NDUFS4: variants seen among roughly 807,000 people sequenced by gnomAD.
NDUFS4 encodes the protein NADH dehydrogenase [ubiquinone] iron-sulfur protein 4, mitochondrial.
In NDUFS4, 28 loss-of-function variants were observed where a neutral mutation model predicts 24.3. The observed-to-expected ratio is 1.15, with a 90% CI of 0.85 to 1.58. The LOEUF is 1.58. NDUFS4 is among the 40% of genes most tolerant of loss of function. The pLI is 0.00. For missense variants in NDUFS4, 223 were observed against 207.9 expected (o/e 1.07, Z -0.45); for synonymous variants, 93 against 69.7 (o/e 1.34, Z -1.67).
chr5:53,631,873 C>T (rs1312421085), intron 2 of NDUFS4, among the ~76,000 whole-genome samples: 2 of 152,134 alleles, frequency 1.3e-5, no homozygotes, highest in Non-Finnish European at 2.9e-5. Context: ...CTGCCGATTG[C>T]GAAGACCATG....
chr5:53,585,202 C>T (rs2112433478), intron 1 of NDUFS4, among the ~76,000 whole-genome samples: 1 of 152,196 alleles, frequency 6.6e-6, no homozygotes. Context: ...AGCAAATTGC[C>T]TATATAATTC....
intron 4 of NDUFS4, among the ~76,000 whole-genome samples, chr5:53,670,394 G>GT (rs1170262897): frequency 2.0e-5 from 3 of 151,678 alleles, no homozygotes; most frequent in Non-Finnish European, 2.9e-5. Context: ...TAGATGTGCC[G>GT]TAAGTGTAAA....
chr5:53,606,697 AACTG>A (rs1162664036), intron 2 of NDUFS4, among the ~76,000 whole-genome samples: 12 of 152,154 alleles, frequency 7.9e-5, no homozygotes, highest in African/African-American at 2.9e-4. Context: ...ATCCCATAAG[AACTG>A]ACTATCACTA....
At chr5:53,636,091 C>T (rs1751543564) in intron 2 of NDUFS4, among the ~76,000 whole-genome samples, 1 of 152,064 alleles carries the variant, frequency 6.6e-6, no homozygotes, top group Admixed American at 6.6e-5. Flanking sequence ...ACTGTGTGGC[C>T]CTGACTGGTC....
chr5:53,640,857 C>T (rs1324297982), intron 2 of NDUFS4, among the ~76,000 whole-genome samples: 2 of 152,106 alleles, frequency 1.3e-5, no homozygotes, highest in African/African-American at 2.4e-5. Context: ...TGGAATATGA[C>T]ATGCCTGTAA....
chr5:53,683,262 C>T lies in NDUFS4; in HGVS notation c.*41C>T. 1 of 1,379,868 alleles carries T rather than the reference C, an allele frequency of 7.2e-7. No homozygotes were observed. The highest frequency in any genetic ancestry group is 1.0e-6 in the Non-Finnish European group (1 of 967,420). The allele number at this position is 1,379,868 out of a possible 1,614,324, so 85.5% of individuals were successfully genotyped here. ...ATCTCTGCTTGACTGTGAATAAAGT[C>T]AGCTGTGCAGTATTTATAGTCCATG... On this transcript the variant is annotated 3_prime_UTR_variant, in exon 5 of 5. Coordinates refer to ENST00000296684, the MANE Select transcript of NDUFS4 (RefSeq NM_002495.4).
At chr5:53,565,732 A>G (rs1348997190) in intron 1 of NDUFS4, among the ~76,000 whole-genome samples, 1 of 152,224 alleles carries the variant, frequency 6.6e-6, no homozygotes, top group Non-Finnish European at 1.5e-5. Flanking sequence ...TTATGAATAG[A>G]TTTTGTATTC....
chr5:53,563,867 A>G (rs1008628279), intron 1 of NDUFS4, among the ~76,000 whole-genome samples: 1 of 152,212 alleles, frequency 6.6e-6, no homozygotes, highest in Admixed American at 6.5e-5. Context: ...GGTAAATTTA[A>G]CTATTCTAAA....
At chr5:53,606,652 ACCGTGC>A (rs1750521080) in intron 2 of NDUFS4, among the ~76,000 whole-genome samples, 1 of 152,188 alleles carries the variant, frequency 6.6e-6, no homozygotes, top group Non-Finnish European at 1.5e-5. Flanking sequence ...GGCATGAGTC[ACCGTGC>A]CCACTGCCAT....
chr5:53,631,848 T>A (rs1751420084), intron 2 of NDUFS4, among the ~76,000 whole-genome samples: 1 of 152,144 alleles, frequency 6.6e-6, no homozygotes, highest in Non-Finnish European at 1.5e-5. Context: ...CAGGCACCGA[T>A]GGGAATCTCC....
intron 1 of NDUFS4, among the ~76,000 whole-genome samples, chr5:53,593,309 T>C (rs1750032686): frequency 6.6e-6 from 1 of 152,068 alleles, no homozygotes; most frequent in African/African-American, 2.4e-5. Flanking sequence ...ATCAAATTTG[T>C]GAGCTTAGAG....
At position 53,658,012 on chromosome 5, in the gene NDUFS4, G is replaced by C. The variant is rs190757453; in HGVS notation, c.351-539G>C. On this transcript the variant is annotated intron_variant, in intron 3 of 4. Coordinates refer to ENST00000296684, the MANE Select transcript of NDUFS4 (RefSeq NM_002495.4). ...ATGTAGATTTGTAAACATTAACACT[G>C]TCCTACATTGAAGAATTCAATTGGA... is the stretch of plus-strand genomic sequence containing the variant. Among the ~76,000 whole-genome samples, 368 of 151,910 alleles carry C rather than the reference G, an allele frequency of 2.4e-3. 6 individuals carry two copies. Among genetic ancestry groups the C allele is most frequent in the African/African-American group, 8.3e-3 (344 of 41,420 alleles).
At chr5:53,676,308 T>C (rs1216796040) in intron 4 of NDUFS4, among the ~76,000 whole-genome samples, 1 of 152,226 alleles carries the variant, frequency 6.6e-6, no homozygotes, top group East Asian at 1.9e-4. Flanking sequence ...AAAGTCACTA[T>C]GAAACACTAA....
chr5:53,613,172 T>G lies in NDUFS4; in HGVS notation c.177+9642T>G, dbSNP rs1013304538. On this transcript the variant is annotated intron_variant, in intron 2 of 4. Coordinates refer to ENST00000296684, the MANE Select transcript of NDUFS4 (RefSeq NM_002495.4). ...TGGTGTATGGCAGTGCTATCTCTGC[T>G]AGATTACTGGAAGGAGTAGTGTCTG... 2.6e-5 allele frequency among the ~76,000 whole-genome samples: 4 copies of G among 152,070 alleles called. No individual in the cohort carries two copies. The South Asian group carries it at 8.3e-4, about 31-fold the overall frequency.
chr5:53,669,908 TAGA>T (rs1284376452), intron 4 of NDUFS4, among the ~76,000 whole-genome samples: 6 of 152,170 alleles, frequency 3.9e-5, no homozygotes, highest in African/African-American at 1.4e-4. Flanking sequence ...GTTCTTTTTT[TAGA>T]AGAACTGTTG....
At chr5:53,626,046 C>T (rs1445742889) in intron 2 of NDUFS4, among the ~76,000 whole-genome samples, 4 of 152,088 alleles carry the variant, frequency 2.6e-5, no homozygotes, top group Admixed American at 2.6e-4. Flanking sequence ...AGCCCCCCAC[C>T]CTCTGATGGG....
intron 3 of NDUFS4, among the ~76,000 whole-genome samples, chr5:53,655,237 G>A (rs1752129260): frequency 6.6e-6 from 1 of 152,116 alleles, no homozygotes. Context: ...CATGTGAGTA[G>A]TACCCAGATG....
chr5:53,675,848 A>G (rs778596889), intron 4 of NDUFS4, among the ~76,000 whole-genome samples: 3 of 152,208 alleles, frequency 2.0e-5, no homozygotes, highest in Admixed American at 6.5e-5. Flanking sequence ...CAGAGTCAGC[A>G]GAGTTCTCTT....
At chr5:53,564,061 TTTAA>T (rs1748944214) in intron 1 of NDUFS4, among the ~76,000 whole-genome samples, 1 of 152,248 alleles carries the variant, frequency 6.6e-6, no homozygotes, top group Non-Finnish European at 1.5e-5. Context: ...CCCAGAGGGT[TTTAA>T]TTAATGACTG....
Sources: allele counts gnomAD v4.1 joint callset (sites outside exome capture counted in the v4.1 genomes callset), GRCh38; gene constraint gnomAD v4.1.1; transcripts MANE v1.5; gene names NCBI Gene and HGNC (gene_info 2026-07-23, HGNC 2026-07-21).